RBFOX1: variants seen among roughly 807,000 people sequenced by gnomAD.
The protein encoded by RBFOX1 is RNA binding fox-1 homolog 1, also known as RNA binding protein fox-1 homolog 1.
A neutral mutation model predicts 57.7 loss-of-function variants in RBFOX1; 8 were observed. That is an observed-to-expected ratio of 0.14 (90% CI 0.08 to 0.25). The LOEUF is 0.25. Among genes scored for constraint, RBFOX1 ranks in the 10% least tolerant of loss-of-function variants. RBFOX1 has a pLI of 1.00. For missense variants in RBFOX1, 611 were observed against 548.5 expected, an observed-to-expected ratio of 1.11 and a Z score of -1.14; for synonymous variants, 326 against 222.4, an observed-to-expected ratio of 1.47 and a Z score of -4.15.
chr16:7,456,163 G>T (rs1031831524), intron 4 of RBFOX1, among the ~76,000 whole-genome samples: 1 of 152,110 alleles, frequency 6.6e-6, no homozygotes, highest in Non-Finnish European at 1.5e-5. Context: ...CTGATTAAGG[G>T]GCAGGGCAGG....
At chr16:5,618,863 C>G (rs1215397055) in intron 3 of RBFOX1, among the ~76,000 whole-genome samples, 1 of 152,170 alleles carries the variant, frequency 6.6e-6, no homozygotes, top group Non-Finnish European at 1.5e-5. Flanking sequence ...CAGTGGGTGT[C>G]AGATCCAGAA....
intron 2 of RBFOX1, among the ~76,000 whole-genome samples, chr16:6,629,723 A>C (rs1385391721): frequency 6.6e-6 from 1 of 152,190 alleles, no homozygotes; most frequent in East Asian, 1.9e-4. Flanking sequence ...GTGGATCACA[A>C]AATAGCCTTT....
intron 3 of RBFOX1, among the ~76,000 whole-genome samples, chr16:6,908,684 T>C (rs1438701062): frequency 6.6e-6 from 1 of 152,076 alleles, no homozygotes; most frequent in Non-Finnish European, 1.5e-5. Flanking sequence ...CAGGGTCCAG[T>C]TGGGATGACG....
intron 4 of RBFOX1, among the ~76,000 whole-genome samples, chr16:7,338,640 G>A (rs1428528180): frequency 6.6e-6 from 1 of 152,158 alleles, no homozygotes; most frequent in South Asian, 2.1e-4. Context: ...CACACACACT[G>A]TATTTTGAAG....
intron 12 of RBFOX1, among the ~76,000 whole-genome samples, chr16:7,658,500 G>A (rs2066884578): frequency 6.6e-6 from 1 of 152,090 alleles, no homozygotes; most frequent in South Asian, 2.1e-4. Flanking sequence ...ACATTTGGGA[G>A]GAATTACCCA....
intron 3 of RBFOX1, among the ~76,000 whole-genome samples, chr16:5,668,301 T>C (rs12933033): frequency 0.66 from 99,954 of 151,050 alleles, 33,469 homozygotes; most frequent in Non-Finnish European, 0.73. Flanking sequence ...AAAACACCAA[T>C]TTAAAAAAAA....
chr16:7,304,915 GGT>G (rs59599069), intron 4 of RBFOX1, among the ~76,000 whole-genome samples: 4,905 of 140,486 alleles, frequency 0.035, 85 homozygotes, highest in Middle Eastern at 0.046. Context: ...TGTGTGGTGT[GGT>G]GTGTGTGTGT....
At chr16:7,185,349 C>G (rs1177187078) in intron 4 of RBFOX1, among the ~76,000 whole-genome samples, 3 of 152,066 alleles carry the variant, frequency 2.0e-5, no homozygotes, top group African/African-American at 4.8e-5. Context: ...ATCACAGAAT[C>G]TCAGCCATGA....
At chr16:5,626,838 G>A (rs144171002) in intron 3 of RBFOX1, among the ~76,000 whole-genome samples, 91 of 149,936 alleles carry the variant, frequency 6.1e-4, no homozygotes, top group African/African-American at 2.0e-3. Context: ...TTGAGCAATC[G>A]TTTTATCCAA....
intron 4 of RBFOX1, among the ~76,000 whole-genome samples, chr16:7,381,297 A>T (rs1043987110): frequency 6.6e-6 from 1 of 152,214 alleles, no homozygotes; most frequent in South Asian, 2.1e-4. Context: ...TTGGCTCATA[A>T]TATTGCCTTA....
chr16:6,815,761 C>T (rs1281524347), intron 3 of RBFOX1, among the ~76,000 whole-genome samples: 6 of 152,178 alleles, frequency 3.9e-5, no homozygotes, highest in East Asian at 3.9e-4. Flanking sequence ...CTATAGTTTG[C>T]AGCCAAACCT....
intron 1 of RBFOX1, among the ~76,000 whole-genome samples, chr16:5,378,138 G>C (rs2066035774): frequency 6.6e-6 from 1 of 151,610 alleles, no homozygotes; most frequent in Non-Finnish European, 1.5e-5. Context: ...CAGAGATATG[G>C]AGCCTGCAGT....
intron 4 of RBFOX1, among the ~76,000 whole-genome samples, chr16:5,893,340 C>CCTAG (rs1238113713): frequency 1.3e-5 from 2 of 152,124 alleles, no homozygotes; most frequent in Non-Finnish European, 2.9e-5. Flanking sequence ...ATGAATAAGA[C>CCTAG]CTAGTATTGC....
intron 3 of RBFOX1, among the ~76,000 whole-genome samples, chr16:7,037,676 A>G (rs955264656): frequency 5.3e-5 from 8 of 152,196 alleles, no homozygotes; most frequent in African/African-American, 1.7e-4. Flanking sequence ...AACTCATTCA[A>G]ATCATGTGAT....
At chr16:5,823,777 C>A (rs2055940010) in intron 3 of RBFOX1, among the ~76,000 whole-genome samples, 2 of 152,248 alleles carry the variant, frequency 1.3e-5, no homozygotes, top group East Asian at 1.9e-4. Flanking sequence ...CTCCCATCAC[C>A]CCCAGATGGG....
At chr16:7,645,853 A>G (rs760287825) in intron 11 of RBFOX1, among the ~76,000 whole-genome samples, 1 of 152,194 alleles carries the variant, frequency 6.6e-6, no homozygotes, top group African/African-American at 2.4e-5. Flanking sequence ...ATGTATGTGT[A>G]TATGAGAACT....
At chr16:7,446,203 T>C (rs2098806389) in intron 4 of RBFOX1, among the ~76,000 whole-genome samples, 1 of 152,180 alleles carries the variant, frequency 6.6e-6, no homozygotes, top group Non-Finnish European at 1.5e-5. Context: ...GTTCTCCTGG[T>C]TATTAAAGTT....
intron 10 of RBFOX1, among the ~76,000 whole-genome samples, chr16:7,617,086 G>T (rs1303773289): frequency 6.6e-6 from 1 of 152,120 alleles, no homozygotes; most frequent in Non-Finnish European, 1.5e-5. Context: ...ATACCACTGG[G>T]TAGCTTGACT....
At chr16:5,681,701 T>G (rs2050344999) in intron 3 of RBFOX1, among the ~76,000 whole-genome samples, 1 of 152,084 alleles carries the variant, frequency 6.6e-6, no homozygotes, top group African/African-American at 2.4e-5. Flanking sequence ...CCGGTAAGAT[T>G]TTATCTGAGA....
Sources: gnomAD v4.1 joint callset for allele counts (sites outside exome capture counted in the v4.1 genomes callset) on GRCh38, gnomAD v4.1.1 for gene constraint, MANE v1.5 for transcripts, NCBI Gene and HGNC (gene_info 2026-07-23, HGNC 2026-07-21) for gene names.